Variants in TBC1D16 observed in about 807,000 individuals in gnomAD.
TBC1D16 encodes the protein CTD-2529O21.1.
A neutral mutation model predicts 74.7 loss-of-function variants in TBC1D16; 58 were observed. The ratio of observed to expected loss-of-function variants is 0.78; its 90% CI spans 0.63 to 0.97. The LOEUF (loss-of-function observed/expected upper bound fraction) is 0.97, where lower values mean the gene tolerates loss of function less well. TBC1D16 is among the 50% of genes least tolerant of loss of function. TBC1D16 has a pLI of 0.00. For missense variants in TBC1D16, 1,014 were observed against 1,079.5 expected (o/e 0.94, Z 0.85); for synonymous variants, 493 against 474.7 (o/e 1.04, Z -0.50).
chr17:79,984,560 A>AAGAAAG (rs141654166), intron 3 of TBC1D16, among the ~76,000 whole-genome samples: 8 of 132,640 alleles, frequency 6.0e-5, no homozygotes, highest in Admixed American at 7.6e-5. Flanking sequence ...AAAAGAAAGA[A>AAGAAAG]AGAGAGAGAG....
rs569470608 is a variant in TBC1D16, at chr17:79,944,081, G to A, written c.1908+827C>T. 6 of 1,536,058 alleles carry A rather than the reference G, an allele frequency of 3.9e-6. No homozygotes were observed. In the Admixed American group the frequency reaches 9.8e-5, roughly 25 times the overall value. ...GTGGTACCGGCACTCGGTGGCTTCA[G>A]ACTCGCTTTCATCAGACATCAGCCC... On this transcript the variant is annotated intron_variant, in intron 10 of 11. Transcript: ENST00000310924. This position sits in a 1 kb window ranked among gnomAD's most constrained non-coding sequence, Gnocchi z 7.7.
intron 1 of TBC1D16, among the ~76,000 whole-genome samples, chr17:80,017,244 T>C (rs1255186779): frequency 6.6e-6 from 1 of 152,092 alleles, no homozygotes; most frequent in East Asian, 1.9e-4. Context: ...ACTCGGCCCT[T>C]GGAGTGCAGG....
In TBC1D16 at chr17:79,944,803, G is replaced by A. The variant is rs902165908; in HGVS notation, c.1908+105C>T. 5.5e-6 allele frequency: 6 copies of A among 1,093,800 alleles called. No homozygotes were observed. In the South Asian group the frequency reaches 8.0e-5, roughly 15 times the overall value. 67.8% of individuals were successfully genotyped at this position (1,093,800 alleles called of 1,614,324 possible). ...CCGTATGGGGGGCTAATGTGTGGCT[G>A]TGGGTGGGGGGCGGCGAGGCGGACA... is the stretch of plus-strand genomic sequence containing the variant. On this transcript the variant is annotated intron_variant, in intron 10 of 11. Coordinates refer to ENST00000310924, the MANE Select transcript of TBC1D16 (RefSeq NM_019020.4). The surrounding 1 kb of genome is among the most constrained non-coding windows in gnomAD (Gnocchi z 7.7).
At chr17:79,972,213 G>C (rs2034140727) in intron 3 of TBC1D16, among the ~76,000 whole-genome samples, 1 of 152,006 alleles carries the variant, frequency 6.6e-6, no homozygotes, top group African/African-American at 2.4e-5. Context: ...GTCTTGCTTT[G>C]TCACCCAGGC....
At position 79,987,874 on chromosome 17, in the gene TBC1D16, G is replaced by T. The variant is rs1318300343; in HGVS notation, c.779+22286C>A. Among the ~76,000 whole-genome samples, 1 of 151,960 alleles carries T rather than the reference G, an allele frequency of 6.6e-6. No homozygotes were observed. Among genetic ancestry groups the T allele is most frequent in the Admixed American group, 6.6e-5 (1 of 15,236 alleles). ...AAAGCAGACAAACACATGAGTGCTG[G>T]GTGGGGGCGGGGTGCTGGGAGATGC... On this transcript the variant is annotated intron_variant, in intron 3 of 11. Transcript: ENST00000310924. This position sits in a 1 kb window ranked among gnomAD's most constrained non-coding sequence, Gnocchi z 5.2.
Position 79,956,879 on chromosome 17 carries a change from C to T in TBC1D16, c.780-4061G>A, listed in dbSNP as rs183085465. 3.7e-4 allele frequency among the ~76,000 whole-genome samples: 56 copies of T among 152,250 alleles called. 1 individual carries two copies. Among genetic ancestry groups the T allele is most frequent in the Admixed American group, 7.2e-4 (11 of 15,300 alleles). On this transcript the variant is annotated intron_variant, in intron 3 of 11. Coordinates refer to ENST00000310924, the MANE Select transcript of TBC1D16 (RefSeq NM_019020.4). This position sits in a 1 kb window ranked among gnomAD's most constrained non-coding sequence, Gnocchi z 4.0. Reference sequence around the variant, plus strand: ...ATTAATTAATGCAAATAATTTGCCCCTAAGGGGTTGTGAGAGGGTTTAAGC... The same window carrying T: ...ATTAATTAATGCAAATAATTTGCCCTTAAGGGGTTGTGAGAGGGTTTAAGC...
intron 3 of TBC1D16, among the ~76,000 whole-genome samples, chr17:80,003,542 G>A (rs1369585458): frequency 4.6e-5 from 7 of 152,124 alleles, no homozygotes; most frequent in South Asian, 4.1e-4. Flanking sequence ...GATGCTTAGC[G>A]TCCCCAAATG....
chr17:80,024,542 C>CAT (rs1226972383), intron 1 of TBC1D16, among the ~76,000 whole-genome samples: 3 of 149,820 alleles, frequency 2.0e-5, no homozygotes, highest in Admixed American at 6.6e-5. Flanking sequence ...CACCACACAC[C>CAT]ATATACACAC....
At chr17:79,957,501 A>C (rs1483926595) in intron 3 of TBC1D16, among the ~76,000 whole-genome samples, 1 of 152,202 alleles carries the variant, frequency 6.6e-6, no homozygotes, top group Non-Finnish European at 1.5e-5. Context: ...GGAAAAGGCA[A>C]AACCATGGAG....
rs1453699264 is a variant in TBC1D16, at chr17:80,008,290, A to C, written c.779+1870T>G. On this transcript the variant is annotated intron_variant, in intron 3 of 11. Transcript: ENST00000310924. This position sits in a 1 kb window ranked among gnomAD's most constrained non-coding sequence, Gnocchi z 4.5. ...CAAACAGGGAAACCGAGGCTCCAAG[A>C]AAAGAAAGAATTTCCCAGGTTCACA... Among the ~76,000 whole-genome samples, 2 of 152,170 alleles carry C rather than the reference A, an allele frequency of 1.3e-5. No homozygotes were observed. The highest frequency in any genetic ancestry group is 4.8e-5 in the African/African-American group (2 of 41,426).
At chr17:79,982,781 C>G (rs1348161787) in intron 3 of TBC1D16, among the ~76,000 whole-genome samples, 1 of 152,064 alleles carries the variant, frequency 6.6e-6, no homozygotes, top group Non-Finnish European at 1.5e-5. Context: ...ATGACTTGAA[C>G]CCAGGGGGCG....
chr17:79,984,899 C>T (rs533957105), intron 3 of TBC1D16, among the ~76,000 whole-genome samples: 1 of 150,572 alleles, frequency 6.6e-6, no homozygotes, highest in South Asian at 2.2e-4. Flanking sequence ...CCCACCCACC[C>T]CACCATCCTC....
Position 79,971,951 on chromosome 17 carries a change from C to T in TBC1D16, c.780-19133G>A, listed in dbSNP as rs1470479874. On this transcript the variant is annotated intron_variant, in intron 3 of 11. Transcript: ENST00000310924. This position sits in a 1 kb window ranked among gnomAD's most constrained non-coding sequence, Gnocchi z 4.6. The stretch of plus-strand genomic sequence containing the variant: ...CAAGGAAGGTCTGCGGAGGACAGGT[C>T]GGAGTGCTCTGAAAACGGCCCTGGC... 2.0e-5 allele frequency among the ~76,000 whole-genome samples: 3 copies of T among 152,162 alleles called. No individual in the cohort carries two copies. The highest frequency in any genetic ancestry group is 2.9e-5 in the Non-Finnish European group (2 of 67,988).
intron 3 of TBC1D16, among the ~76,000 whole-genome samples, chr17:79,972,276 A>C (rs1374804832): frequency 6.6e-6 from 1 of 152,128 alleles, no homozygotes; most frequent in Non-Finnish European, 1.5e-5. Context: ...TCCCGGATTC[A>C]AGCGATTCTC....
rs1271024953 is a variant in TBC1D16, at chr17:80,001,098, C to T, written c.779+9062G>A. Reference sequence around the variant, plus strand: ...CCGCCTGACAGTGAGACTGCTGGGGCGAGGCTATGTCCTGTGGCCATTTCT... The same window carrying T: ...CCGCCTGACAGTGAGACTGCTGGGGTGAGGCTATGTCCTGTGGCCATTTCT... On this transcript the variant is annotated intron_variant, in intron 3 of 11. Transcript: ENST00000310924. This position sits in a 1 kb window ranked among gnomAD's most constrained non-coding sequence, Gnocchi z 5.8. Among the ~76,000 whole-genome samples the T allele has an allele frequency of 2.0e-5, 3 of 152,210 alleles. No homozygotes were observed. The highest frequency in any genetic ancestry group is 1.3e-4 in the Admixed American group (2 of 15,280).
At chr17:79,955,644 T>A (rs1235126939) in intron 3 of TBC1D16, among the ~76,000 whole-genome samples, 1 of 152,234 alleles carries the variant, frequency 6.6e-6, no homozygotes, top group Non-Finnish European at 1.5e-5. Flanking sequence ...TTGCAGGCGA[T>A]AACTCCCAAG....
chr17:79,999,434 A>G (rs970363194), intron 3 of TBC1D16, among the ~76,000 whole-genome samples: 1 of 151,944 alleles, frequency 6.6e-6, no homozygotes, highest in Non-Finnish European at 1.5e-5. Flanking sequence ...ACAATTCCCA[A>G]CTTTGAAAGT....
intron 1 of TBC1D16, among the ~76,000 whole-genome samples, chr17:80,024,608 C>CACACACCACACACCACACACCATAGACAT (rs2036471121): frequency 9.3e-6 from 1 of 107,548 alleles, no homozygotes; most frequent in Admixed American, 8.6e-5. Context: ...ACCATAGACA[C>CACACACCACACACCACACACCATAGACAT]ACACACCACA....
intron 1 of TBC1D16, among the ~76,000 whole-genome samples, chr17:80,016,164 C>CT (rs1277589393): frequency 1.4e-4 from 21 of 151,802 alleles, no homozygotes. Context: ...AAATCAGTCA[C>CT]AAGAGACAAG....
Sources: allele counts gnomAD v4.1 joint callset (sites outside exome capture counted in the v4.1 genomes callset), GRCh38; gene constraint gnomAD v4.1.1; non-coding constraint Gnocchi (gnomAD v3.1); transcripts MANE v1.5; gene names NCBI Gene and HGNC (gene_info 2026-07-23, HGNC 2026-07-21).